GABRG3: variants seen among roughly 807,000 people sequenced by gnomAD.
The protein encoded by GABRG3 is gamma-aminobutyric acid type A receptor subunit gamma3.
A neutral mutation model predicts 48.8 loss-of-function variants in GABRG3; 25 were observed. That is an observed-to-expected ratio of 0.51 (90% confidence interval 0.37 to 0.72). The LOEUF (loss-of-function observed/expected upper bound fraction) is 0.72. Ranked by LOEUF, GABRG3 falls within the 30% of genes least tolerant of loss-of-function variation. The probability of loss-of-function intolerance (pLI) is 0.00; values close to 1 mark genes in which losing one functional copy is unlikely to be tolerated. For synonymous variants in GABRG3, 227 were observed against 217.6 expected, an observed-to-expected ratio of 1.04 and a Z score of -0.38; for missense variants, 394 against 577.9, an observed-to-expected ratio of 0.68 and a Z score of 3.26.
chr15:27,084,076 C>T (rs558366467), intron 3 of GABRG3, among the ~76,000 whole-genome samples: 1 of 152,318 alleles, frequency 6.6e-6, no homozygotes, highest in Non-Finnish European at 1.5e-5. Flanking sequence ...AACCCTGGGT[C>T]CCAGTAGGCA....
chr15:27,108,669 A>G (rs1227110891), intron 3 of GABRG3, among the ~76,000 whole-genome samples: 2 of 152,198 alleles, frequency 1.3e-5, no homozygotes, highest in Non-Finnish European at 2.9e-5. Flanking sequence ...TTAATGATGC[A>G]GTCGAATCTA....
At chr15:27,165,249 T>C (rs542650959) in intron 3 of GABRG3, among the ~76,000 whole-genome samples, 4 of 152,286 alleles carry the variant, frequency 2.6e-5, no homozygotes, top group Non-Finnish European at 5.9e-5. Context: ...ACTGGTGGTA[T>C]GTTTACCGAC....
intron 3 of GABRG3, among the ~76,000 whole-genome samples, chr15:27,196,043 G>C (rs191292687): frequency 6.6e-6 from 1 of 152,232 alleles, no homozygotes; most frequent in African/African-American, 2.4e-5. Flanking sequence ...TCTTCCCTTG[G>C]AGGTGTAGTT....
In GABRG3 at chr15:27,540,073, C is replaced by A. The variant is rs191514254; in HGVS notation, c.*7192C>A. ...ACTATAACGAAATCAGAACTTACAT[C>A]GTGGAAAAAGCGAAAAAGTTTCATT... is the stretch of plus-strand genomic sequence containing the variant. On this transcript the variant is annotated 3_prime_UTR_variant, in exon 10 of 10. Transcript: ENST00000615808. 2.0e-5 allele frequency: 3 copies of A among 152,278 alleles called. No homozygotes were observed. The East Asian group carries it at 5.8e-4, about 29-fold the overall frequency. 9.4% of individuals were successfully genotyped at this position (152,278 alleles called of 1,614,324 possible).
chr15:27,500,902 G>A (rs1038645523), intron 6 of GABRG3, among the ~76,000 whole-genome samples: 2 of 149,810 alleles, frequency 1.3e-5, no homozygotes, highest in Non-Finnish European at 3.0e-5. Context: ...AAAAGATGAC[G>A]TTAGATTTAG....
chr15:27,480,140 C>T (rs1890062205), intron 5 of GABRG3, among the ~76,000 whole-genome samples: 2 of 152,354 alleles, frequency 1.3e-5, no homozygotes, highest in African/African-American at 4.8e-5. Flanking sequence ...AGCAGGTCAA[C>T]ATTCACCTAT....
chr15:27,194,306 A>T (rs1210387601), intron 3 of GABRG3, among the ~76,000 whole-genome samples: 1 of 152,232 alleles, frequency 6.6e-6, no homozygotes, highest in Non-Finnish European at 1.5e-5. Flanking sequence ...AAACTCATGT[A>T]AAGATGGATT....
intron 3 of GABRG3, among the ~76,000 whole-genome samples, chr15:27,141,134 T>C (rs1382708898): frequency 6.6e-6 from 1 of 152,192 alleles, no homozygotes; most frequent in Non-Finnish European, 1.5e-5. Flanking sequence ...CATTAGCCTT[T>C]GTGATTGTGG....
intron 3 of GABRG3, among the ~76,000 whole-genome samples, chr15:27,316,563 C>A (rs770220591): frequency 1.3e-5 from 2 of 152,058 alleles, no homozygotes; most frequent in Non-Finnish European, 2.9e-5. Context: ...AGTAACTGCA[C>A]GGTAAATGTC....
intron 3 of GABRG3, among the ~76,000 whole-genome samples, chr15:27,305,655 CATAT>C (rs1247541700): frequency 1.0e-5 from 1 of 100,190 alleles, no homozygotes; most frequent in South Asian, 3.7e-4. Flanking sequence ...TATATATAAA[CATAT>C]ATAATATAAA....
chr15:27,098,606 TAA>T (rs1351992495), intron 3 of GABRG3, among the ~76,000 whole-genome samples: 11 of 152,182 alleles, frequency 7.2e-5, no homozygotes, highest in Admixed American at 5.2e-4. Flanking sequence ...AAGATTATTT[TAA>T]AGAGTTTGAG....
chr15:27,318,861 G>A (rs528109724), intron 3 of GABRG3, among the ~76,000 whole-genome samples: 1 of 152,262 alleles, frequency 6.6e-6, no homozygotes, highest in East Asian at 1.9e-4. Context: ...ATTTGGACCA[G>A]AGCACAGAAG....
At chr15:27,306,486 A>G (rs1385151746) in intron 3 of GABRG3, among the ~76,000 whole-genome samples, 1 of 140,436 alleles carries the variant, frequency 7.1e-6, no homozygotes, top group South Asian at 2.3e-4. Flanking sequence ...ATAAACATAT[A>G]TATAATATAA....
chr15:27,261,780 C>T (rs17137732), intron 3 of GABRG3, among the ~76,000 whole-genome samples: 5,088 of 152,068 alleles, frequency 0.033, 112 homozygotes, highest in Non-Finnish European at 0.049. Context: ...AAGTTTATTT[C>T]AACCCAAACA....
chr15:27,091,861 C>G, intron 3 of GABRG3, among the ~76,000 whole-genome samples: 1 of 152,172 alleles, frequency 6.6e-6, no homozygotes, highest in Admixed American at 6.5e-5. Context: ...AAGCTAAAAT[C>G]CTGCAGTGTT....
intron 3 of GABRG3, among the ~76,000 whole-genome samples, chr15:27,326,006 A>T (rs1336143991): frequency 1.3e-5 from 2 of 152,182 alleles, no homozygotes; most frequent in Admixed American, 1.3e-4. Flanking sequence ...TTAAACTGTG[A>T]TGAGGGGAGT....
intron 5 of GABRG3, among the ~76,000 whole-genome samples, chr15:27,356,680 TAA>T (rs1295489484): frequency 2.6e-5 from 4 of 152,182 alleles, no homozygotes; most frequent in African/African-American, 9.7e-5. Context: ...ATCAAATTAG[TAA>T]AGAGTTTAAC....
chr15:27,225,517 T>C (rs1889584742), intron 3 of GABRG3, among the ~76,000 whole-genome samples: 1 of 152,154 alleles, frequency 6.6e-6, no homozygotes, highest in Admixed American at 6.5e-5. Flanking sequence ...ATGATGTTTT[T>C]CATTCCTGTC....
intron 3 of GABRG3, among the ~76,000 whole-genome samples, chr15:27,124,317 C>A (rs2140378300): frequency 6.6e-6 from 1 of 152,306 alleles, no homozygotes. Flanking sequence ...ACCTAATCTT[C>A]TAGGATCTTC....
Sources: allele counts gnomAD v4.1 joint callset (sites outside exome capture counted in the v4.1 genomes callset), GRCh38; gene constraint gnomAD v4.1.1; transcripts MANE v1.5; gene names NCBI Gene and HGNC (gene_info 2026-07-23, HGNC 2026-07-21).